Variants in AP2B1 observed in about 807,000 individuals in gnomAD.
AP2B1 encodes the protein adaptor related protein complex 2 subunit beta 1.
AP2B1 carries 23 observed loss-of-function variants against 102.0 expected under a neutral mutation model. That is an observed-to-expected ratio of 0.23 (90% CI 0.16 to 0.32). The LOEUF is 0.32. AP2B1 is among the 10% of genes least tolerant of loss of function. AP2B1 has a pLI of 1.00. For synonymous variants in AP2B1, 381 were observed against 421.2 expected (o/e 0.90, Z 1.17); for missense variants, 541 against 1,157.4 (o/e 0.47, Z 7.73).
chr17:35,614,032 A>G (rs1634684), intron 5 of AP2B1, among the ~76,000 whole-genome samples: 75,522 of 151,882 alleles, frequency 0.5, 18,824 homozygotes, highest in East Asian at 0.52. Flanking sequence ...AATGAATGAT[A>G]GTATTCTCTA....
rs529943037 is a variant in AP2B1 at position 35,606,193 on chromosome 17, C to T, written c.279+353C>T. ...ATGAGTCAGCAGTAGTGGAGACTGC[C>T]GGAGTTTCTACTTTCATTTCATTTA... On this transcript the variant is annotated intron_variant, in intron 4 of 21. Coordinates refer to ENST00000610402, the MANE Select transcript of AP2B1 (RefSeq NM_001030006.2). 1.4e-3 allele frequency among the ~76,000 whole-genome samples: 210 copies of T among 152,040 alleles called. 1 individual carries two copies. Among genetic ancestry groups the T allele is most frequent in the African/African-American group, 4.6e-3 (191 of 41,474 alleles).
intron 12 of AP2B1, among the ~76,000 whole-genome samples, chr17:35,648,143 A>T (rs1025934329): frequency 6.6e-6 from 1 of 152,192 alleles, no homozygotes; most frequent in Non-Finnish European, 1.5e-5. Flanking sequence ...GTGCATAAAT[A>T]AATGCCATCA....
chr17:35,723,759 C>A lies in AP2B1; in HGVS notation c.*60C>A, dbSNP rs1171441440. 3.2e-6 allele frequency: 4 copies of A among 1,259,884 alleles called. No homozygotes were observed. The highest frequency in any genetic ancestry group is 4.7e-6 in the Non-Finnish European group (4 of 859,888). 78.0% of individuals were successfully genotyped at this position (1,259,884 alleles called of 1,614,324 possible). ...ATCGGTGCAAGTCAAGAACTCTTAA[C>A]TGGAAGAAATTGTATTGCTGCGTAG... On this transcript the variant is annotated 3_prime_UTR_variant, in exon 22 of 22. Coordinates refer to ENST00000610402, the MANE Select transcript of AP2B1 (RefSeq NM_001030006.2).
intron 14 of AP2B1, among the ~76,000 whole-genome samples, chr17:35,664,522 T>C (rs147705892): frequency 8.1e-4 from 123 of 152,350 alleles, no homozygotes; most frequent in African/African-American, 2.4e-3. Flanking sequence ...CTTTTGTCCT[T>C]TTGGTGATAA....
intron 3 of AP2B1, among the ~76,000 whole-genome samples, chr17:35,604,582 A>G (rs888410627): frequency 1.5e-5 from 2 of 132,926 alleles, no homozygotes; most frequent in African/African-American, 2.8e-5. Context: ...ACATGGTGAA[A>G]CCCCATCTCT....
At chr17:35,613,228 G>A (rs916380737) in intron 5 of AP2B1, among the ~76,000 whole-genome samples, 1 of 149,364 alleles carries the variant, frequency 6.7e-6, no homozygotes, top group Non-Finnish European at 1.5e-5. Flanking sequence ...GCTCACTTCA[G>A]AAGGGCATCC....
intron 11 of AP2B1, among the ~76,000 whole-genome samples, chr17:35,640,547 G>C (rs1046484556): frequency 2.0e-5 from 3 of 152,084 alleles, no homozygotes; most frequent in African/African-American, 7.2e-5. Flanking sequence ...CAGTTTTACT[G>C]ATTTCTAATG....
intron 18 of AP2B1, among the ~76,000 whole-genome samples, chr17:35,695,642 T>C (rs1202030053): frequency 3.3e-5 from 5 of 151,320 alleles, no homozygotes; most frequent in Admixed American, 2.6e-4. Flanking sequence ...TTCTGACCAA[T>C]CTTTTTTATT....
intron 1 of AP2B1, among the ~76,000 whole-genome samples, chr17:35,589,411 CAG>C (rs1239967492): frequency 2.6e-5 from 4 of 152,144 alleles, no homozygotes; most frequent in Non-Finnish European, 5.9e-5. Flanking sequence ...TTTAGCTTCC[CAG>C]AGAGCCATTT....
intron 14 of AP2B1, among the ~76,000 whole-genome samples, chr17:35,667,296 G>A (rs2075488960): frequency 6.6e-6 from 1 of 152,206 alleles, no homozygotes; most frequent in African/African-American, 2.4e-5. Flanking sequence ...AGTCTTGCTA[G>A]TTAGAAAACA....
intron 9 of AP2B1, among the ~76,000 whole-genome samples, chr17:35,629,275 T>C (rs2074399485): frequency 6.6e-6 from 1 of 152,184 alleles, no homozygotes; most frequent in African/African-American, 2.4e-5. Flanking sequence ...GCCTCTTTTT[T>C]TCTTGCATGT....
rs140959021 is a variant in AP2B1 at position 35,671,878 on chromosome 17, G to A, written c.2156G>A (p.Gly719Asp). ...ELSTGIGMAP[G>D]GYVAPKAVWL... ...TCCACAGGGATAGGCATGGCACCTG[G>A]TGGATATGTGGCTCCTAAGGCTGTA... Residue 719 changes from glycine to aspartate, a missense_variant, in exon 16 of 22, where the codon GGT becomes GAT. Gly to Asp is a moderately conservative substitution (Grantham distance 94). This residue lies in a region of AP2B1 where 62 missense variants were observed against 87.6 expected (regional missense o/e 0.71). Coordinates refer to ENST00000610402, the MANE Select transcript of AP2B1 (RefSeq NM_001030006.2). 2.9e-4 allele frequency: 461 copies of A among 1,614,120 alleles called. 2 individuals carry two copies. The highest frequency in any genetic ancestry group is 9.9e-4 in the Middle Eastern group (6 of 6,060).
chr17:35,610,612 A>T lies in AP2B1; in HGVS notation c.525+2225A>T, dbSNP rs556925734. On this transcript the variant is annotated intron_variant, in intron 5 of 21. Transcript: ENST00000610402. Reference sequence around the variant, plus strand: ...ACCCTGTCTCTACAAAAATTTTTTTAAAAAATTCGGTGGGGCCGGGTGCAG... The same window carrying T: ...ACCCTGTCTCTACAAAAATTTTTTTTAAAAATTCGGTGGGGCCGGGTGCAG... 7.3e-4 allele frequency among the ~76,000 whole-genome samples: 111 copies of T among 152,120 alleles called. 1 individual carries two copies. In the South Asian group the frequency reaches 0.021, roughly 28 times the overall value.
intron 4 of AP2B1, among the ~76,000 whole-genome samples, chr17:35,606,996 C>A (rs914821043): frequency 1.3e-5 from 2 of 151,904 alleles, no homozygotes; most frequent in African/African-American, 4.8e-5. Flanking sequence ...ACCTCCGCCT[C>A]CCGGGCTCAA....
At chr17:35,598,434 C>T in intron 3 of AP2B1, 99 bp downstream of exon 3, 1 of 673,658 alleles carries the variant, frequency 1.5e-6, no homozygotes, top group Non-Finnish European at 2.4e-6. Context: ...ATCATAGAAC[C>T]TCTAAGAATG....
At chr17:35,676,258 T>C (rs2075699704) in intron 17 of AP2B1, among the ~76,000 whole-genome samples, 2 of 152,190 alleles carry the variant, frequency 1.3e-5, no homozygotes, top group African/African-American at 4.8e-5. Flanking sequence ...TTTCTTTTTC[T>C]CATTTTATTC....
chr17:35,667,799 T>C (rs2075499021), intron 14 of AP2B1, among the ~76,000 whole-genome samples: 1 of 152,130 alleles, frequency 6.6e-6, no homozygotes, highest in Non-Finnish European at 1.5e-5. Flanking sequence ...ATTATAAGCC[T>C]AGCCAGAAGA....
chr17:35,712,623 C>T lies in AP2B1; in HGVS notation c.2626+2303C>T, dbSNP rs183647828. On this transcript the variant is annotated intron_variant, in intron 20 of 21. Coordinates refer to ENST00000610402, the MANE Select transcript of AP2B1 (RefSeq NM_001030006.2). ...CAGCCTGGGTGACAGAGCGAGACTCCGTCTCAAAAAAAAAATAAAAATAAA... is the reference window on the plus strand; with the variant it reads ...CAGCCTGGGTGACAGAGCGAGACTCTGTCTCAAAAAAAAAATAAAAATAAA... Among the ~76,000 whole-genome samples the T allele has an allele frequency of 1.4e-3, 203 of 150,192 alleles. 1 individual carries two copies. Among genetic ancestry groups the T allele is most frequent in the Admixed American group, 0.013 (192 of 15,064 alleles).
At chr17:35,632,950 G>A (rs1188343003) in intron 9 of AP2B1, among the ~76,000 whole-genome samples, 2 of 151,602 alleles carry the variant, frequency 1.3e-5, no homozygotes, top group Non-Finnish European at 2.9e-5. Flanking sequence ...AATAAATATA[G>A]CATATTTAAA....
Sources: gnomAD v4.1 joint callset for allele counts (sites outside exome capture counted in the v4.1 genomes callset) on GRCh38, gnomAD v4.1.1 for gene constraint, gnomAD v4.1.1 regional missense constraint, MANE v1.5 for transcripts, NCBI Gene and HGNC (gene_info 2026-07-23, HGNC 2026-07-21) for gene names.